The following SDHA variants were observed in gnomAD, a reference collection of about 807,000 sequenced individuals.
SDHA encodes the protein succinate dehydrogenase complex flavoprotein subunit A, also known as succinate dehydrogenase [ubiquinone] flavoprotein subunit, mitochondrial.
In SDHA, 48 loss-of-function variants were observed where a neutral mutation model predicts 78.4. The ratio of observed to expected loss-of-function variants is 0.61; its 90% confidence interval spans 0.49 to 0.78. The LOEUF is 0.78. SDHA is among the 30% of genes least tolerant of loss of function. SDHA has a pLI of 0.00. For missense variants in SDHA, 680 were observed against 892.7 expected, an observed-to-expected ratio of 0.76 and a Z score of 3.04; for synonymous variants, 326 against 353.9, an observed-to-expected ratio of 0.92 and a Z score of 0.88.
rs1735835373 is a variant in SDHA, at chr5:237,148, C to T, written c.1432+549C>T. Among the ~76,000 whole-genome samples the T allele has an allele frequency of 1.5e-5, 2 of 134,680 alleles. 1 individual carries two copies. Among genetic ancestry groups the T allele is most frequent in the African/African-American group, 7.2e-5 (2 of 27,840 alleles). The allele number at this position is 134,680 out of a possible 152,430, so 88.4% of individuals were successfully genotyped here. On this transcript the variant is annotated intron_variant, in intron 10 of 14. Coordinates refer to ENST00000264932, the MANE Select transcript of SDHA (RefSeq NM_004168.4). ...GTTACATTTTTTTTTAATTATTTTG[C>T]AGTCATTATGTTCTGTTTAGAAAAA...
chr5:255,179 T>C (rs796956044), intron 14 of SDHA, among the ~76,000 whole-genome samples: 12 of 111,604 alleles, frequency 1.1e-4, no homozygotes, highest in Admixed American at 3.6e-4. Context: ...ACAGTTCACC[T>C]GTGTGGCATT....
chr5:268,095 C>T, the SDHA span, among the ~76,000 whole-genome samples: 1 of 152,170 alleles, frequency 6.6e-6, no homozygotes, highest in Non-Finnish European at 1.5e-5. Flanking sequence ...ACTGCAGCTG[C>T]ATAGTTTGTG....
chr5:225,218 G>A (rs1579383313), intron 3 of SDHA, among the ~76,000 whole-genome samples: 1 of 151,960 alleles, frequency 6.6e-6, no homozygotes, highest in African/African-American at 2.4e-5. Context: ...GGCTAAGGAT[G>A]GAATCACTGG....
Position 234,428 on chromosome 5 carries a change from A to AC in SDHA, c.1065-716_1065-715insC, listed in dbSNP as rs1438145370. The stretch of plus-strand genomic sequence containing the variant: ...AGCAACACTCTGTCTCAAAAAAAAA[A>AC]AAAAAAAAAAAAAAAACAGAGAAGT... On this transcript the variant is annotated intron_variant, in intron 8 of 14. Coordinates refer to ENST00000264932, the MANE Select transcript of SDHA (RefSeq NM_004168.4). 1.3e-4 allele frequency: 19 copies of AC among 144,690 alleles called. 1 individual carries two copies. The highest frequency in any genetic ancestry group is 5.4e-4 in the African/African-American group (19 of 35,104). The allele number at this position is 144,690 out of a possible 1,614,324, so 9.0% of individuals were successfully genotyped here. A position where few individuals can be genotyped will look rare whatever the true frequency, so the allele number is the denominator to read the frequency against.
chr5:231,941 T>A (rs939842325), intron 7 of SDHA, among the ~76,000 whole-genome samples: 8 of 152,080 alleles, frequency 5.3e-5, no homozygotes, highest in African/African-American at 1.9e-4. Flanking sequence ...AGGTTACGAA[T>A]GTGCAATTCG....
At chr5:220,403 T>C (rs1488988745) in intron 1 of SDHA, 15 of 361,964 alleles carry the variant, frequency 4.1e-5, no homozygotes, top group African/African-American at 8.5e-5. Flanking sequence ...TTGATTTCTT[T>C]TCTTTGAATG....
At chr5:234,913 A>G in intron 8 of SDHA, 1 of 590,768 alleles carries the variant, frequency 1.7e-6, no homozygotes, top group Non-Finnish European at 3.1e-6. Context: ...GCGTGAGTTT[A>G]GTGAGGGCAG....
downstream of SDHA, among the ~76,000 whole-genome samples, chr5:258,088 T>G (rs866555934): frequency 6.5e-5 from 1 of 15,344 alleles, no homozygotes; most frequent in Non-Finnish European, 1.1e-4. Flanking sequence ...CCTCCTGCCA[T>G]AGCATTACTG....
Position 256,531 on chromosome 5 carries a change from G to C in SDHA, c.*111G>C. ...TACGCTTCTGCACTCTGGGGAAGAA[G>C]GAGTACATTGAAGGGAGATTGGCAC... On this transcript the variant is annotated 3_prime_UTR_variant, in exon 15 of 15. Coordinates refer to ENST00000264932, the MANE Select transcript of SDHA (RefSeq NM_004168.4). 2 of 1,006,824 alleles carry C rather than the reference G, an allele frequency of 2.0e-6. No individual in the cohort carries two copies. The highest frequency in any genetic ancestry group is 3.1e-6 in the Non-Finnish European group (2 of 642,982). 62.4% of individuals were successfully genotyped at this position (1,006,824 alleles called of 1,614,324 possible).
chr5:251,641 T>G (rs1199247104), intron 13 of SDHA, 173 bp downstream of exon 13: 1 of 1,531,240 alleles, frequency 6.5e-7, no homozygotes, highest in African/African-American at 1.4e-5. Context: ...ATCTTCTGGA[T>G]CACTGTGACC....
At chr5:249,624 AT>A in intron 11 of SDHA, 1 of 152,526 alleles carries the variant, frequency 6.6e-6, no homozygotes, top group East Asian at 1.9e-4. Context: ...AGTAAATCTT[AT>A]CACTGGCTTG....
chr5:233,767 T>A (rs1329731172), intron 8 of SDHA, 122 bp downstream of exon 8: 6 of 980,770 alleles, frequency 6.1e-6, no homozygotes, highest in Non-Finnish European at 9.7e-6. Context: ...CCACCTCTCT[T>A]AGCTGCTGGC....
intron 4 of SDHA, 76 bp downstream of exon 4, chr5:225,638 A>C: frequency 6.2e-7 from 1 of 1,600,828 alleles, no homozygotes; most frequent in Non-Finnish European, 8.6e-7. Context: ...AATGTAAGCA[A>C]TTGAGGCGGA....
At chr5:241,456 G>A (rs1350675530) in intron 11 of SDHA, among the ~76,000 whole-genome samples, 1 of 152,208 alleles carries the variant, frequency 6.6e-6, no homozygotes, top group Admixed American at 6.5e-5. Flanking sequence ...TGGGCGGCAG[G>A]TGGAAACTGA....
At chr5:247,302 T>A (rs1376214491) in intron 11 of SDHA, among the ~76,000 whole-genome samples, 1 of 152,226 alleles carries the variant, frequency 6.6e-6, no homozygotes, top group African/African-American at 2.4e-5. Flanking sequence ...ACTGATGACT[T>A]TATTTATGCA....
rs1237513803 is a variant in SDHA at position 230,897 on chromosome 5, C to G, written c.792C>G (p.Phe264Leu). The G allele has an allele frequency of 1.9e-6, 3 of 1,614,112 alleles. No homozygotes were observed. The highest frequency in any genetic ancestry group is 2.2e-5 in the East Asian group (1 of 44,880). ...VATGGYGRTY[F>L]SCTSAHTSTG... ...CCAGAGGCTACGGGCGCACCTACTT[C>G]AGCTGCACGTCTGCCCACACCAGCA... is the stretch of plus-strand genomic sequence containing the variant. The change falls in exon 7 of 15, where the codon TTC becomes TTG. Residue 264 changes from phenylalanine to leucine, a missense_variant. By Grantham distance (22) the Phe-to-Leu change is conservative. Transcript: ENST00000264932.
At chr5:266,832 A>G in the SDHA span, among the ~76,000 whole-genome samples, 1 of 152,202 alleles carries the variant, frequency 6.6e-6, no homozygotes, top group African/African-American at 2.4e-5. Flanking sequence ...TGTCTGTAAG[A>G]TATTCAGACC....
chr5:258,190 G>T (rs186958647), downstream of SDHA, among the ~76,000 whole-genome samples: 153 of 84,368 alleles, frequency 1.8e-3, no homozygotes, highest in South Asian at 2.4e-3. Flanking sequence ...AGCATTACTG[G>T]GTGAGCTCCA....
At chr5:237,742 G>A (rs1735870355) in intron 10 of SDHA, among the ~76,000 whole-genome samples, 1 of 135,072 alleles carries the variant, frequency 7.4e-6, no homozygotes, top group Non-Finnish European at 1.5e-5. Context: ...AAACTAGCAC[G>A]GCTGTAACTT....
Sources: allele counts gnomAD v4.1 joint callset (sites outside exome capture counted in the v4.1 genomes callset), GRCh38; gene constraint gnomAD v4.1.1; transcripts MANE v1.5; gene names NCBI Gene and HGNC (gene_info 2026-07-23, HGNC 2026-07-21).